Variants in GPAT3 observed in about 807,000 individuals in gnomAD.
GPAT3 encodes the protein glycerol-3-phosphate acyltransferase 3, also known as 1-AGP acyltransferase 9.
In GPAT3, 53 loss-of-function variants were observed where a neutral mutation model predicts 58.8. The observed-to-expected ratio is 0.90, with a 90% CI of 0.72 to 1.13. The LOEUF is 1.13. Among genes scored for constraint, GPAT3 ranks in the 50% most tolerant of loss-of-function variants. The pLI, the probability that GPAT3 is intolerant of heterozygous loss-of-function variation, is 0.00. For missense variants in GPAT3, 511 were observed against 527.6 expected (o/e 0.97, Z 0.31); for synonymous variants, 197 against 187.4 (o/e 1.05, Z -0.42).
rs144227410 is a variant in GPAT3 at position 83,604,676 on chromosome 4, G to T, written c.1214G>T (p.Gly405Val). 1 of 1,613,412 alleles carries T rather than the reference G, an allele frequency of 6.2e-7. No homozygotes were observed. The highest frequency in any genetic ancestry group is 1.7e-5 in the Admixed American group (1 of 59,976). The change falls in exon 12 of 12, where the codon GGA becomes GTA. Residue 405 changes from glycine (G) to valine (V), a missense_variant. Physicochemically the swap from Gly to Val is moderately radical, Grantham distance 109 (BLOSUM62 -3). Coordinates refer to ENST00000264409, the MANE Select transcript of GPAT3 (RefSeq NM_032717.5). ...TGTCTTTCTGTTTGCAGGGATGGAG[G>T]ACTAAAGAGAGCAAAGGTGAAGGAC... Reference protein sequence around the residue: ...GGLTELPWDGGLKRAKVKDIF... With the variant: ...GGLTELPWDGVLKRAKVKDIF...
chr4:83,553,839 T>A (rs754389863), intron 2 of GPAT3, among the ~76,000 whole-genome samples: 9 of 151,774 alleles, frequency 5.9e-5, no homozygotes, highest in Non-Finnish European at 1.2e-4. Context: ...ATCGCACCAC[T>A]GCACTCCAGC....
chr4:83,604,680 A>G lies in GPAT3; in HGVS notation c.1218A>G (p.Leu406=), dbSNP rs1727191374. The stretch of plus-strand genomic sequence containing the variant: ...TTTCTGTTTGCAGGGATGGAGGACT[A>G]AAGAGAGCAAAGGTGAAGGACATCT... ...GLTELPWDGG[L]KRAKVKDIFK... Residue 406 remains leucine (L), a synonymous_variant, in exon 12 of 12, where the codon CTA becomes CTG. Transcript: ENST00000264409. 1 of 1,613,578 alleles carries G rather than the reference A, an allele frequency of 6.2e-7. No homozygotes were observed. The highest frequency in any genetic ancestry group is 1.1e-5 in the South Asian group (1 of 91,058).
At chr4:83,566,396 CT>C (rs1002857867) in intron 2 of GPAT3, among the ~76,000 whole-genome samples, 14 of 146,208 alleles carry the variant, frequency 9.6e-5, no homozygotes, top group Non-Finnish European at 1.3e-4. Flanking sequence ...CCTATTTATT[CT>C]TTTTTTTAAA....
chr4:83,540,974 A>G (rs2132093), intron 1 of GPAT3, among the ~76,000 whole-genome samples: 67,462 of 151,512 alleles, frequency 0.45, 15,554 homozygotes, highest in African/African-American at 0.55. Flanking sequence ...ACAGGCATGA[A>G]CCACCATGCC....
chr4:83,595,692 C>A (rs1415350632), intron 7 of GPAT3, among the ~76,000 whole-genome samples: 1 of 151,288 alleles, frequency 6.6e-6, no homozygotes, highest in Non-Finnish European at 1.5e-5. Flanking sequence ...CCAGCCTAGG[C>A]AACAGGGGGA....
At chr4:83,574,366 T>C (rs547913673) in intron 2 of GPAT3, among the ~76,000 whole-genome samples, 1 of 152,362 alleles carries the variant, frequency 6.6e-6, no homozygotes, top group South Asian at 2.1e-4. Flanking sequence ...GAGTTAATTA[T>C]GTTTGAGATG....
Position 83,587,243 on chromosome 4 carries a change from T to C in GPAT3, c.480-12T>C, listed in dbSNP as rs1162031888. 1 of 1,611,730 alleles carries C rather than the reference T, an allele frequency of 6.2e-7. No homozygotes were observed. Among genetic ancestry groups the C allele is most frequent in the East Asian group, 2.2e-5 (1 of 44,858 alleles). The stretch of plus-strand genomic sequence containing the variant: ...GTCAAAATCTTATATGGCCCTCTCT[T>C]TTCTTTTTCAGGGTTACCTTGGCTT... On this transcript the variant is annotated splice_polypyrimidine_tract_variant and intron_variant, in intron 3 of 11. Transcript: ENST00000264409.
intron 11 of GPAT3, among the ~76,000 whole-genome samples, chr4:83,602,269 C>T (rs944358296): frequency 3.3e-5 from 5 of 152,168 alleles, no homozygotes; most frequent in Non-Finnish European, 7.4e-5. Flanking sequence ...CTAGGGGAGT[C>T]AGCCAAGTAC....
chr4:83,605,324 A>G lies in GPAT3; in HGVS notation c.*557A>G, dbSNP rs180738635. On this transcript the variant is annotated 3_prime_UTR_variant, in exon 12 of 12. Coordinates refer to ENST00000264409, the MANE Select transcript of GPAT3 (RefSeq NM_032717.5). ...AAATTAGTGTCATTAGTGTGTTGGA[A>G]GAGAAATACTATTCAGTAAGCTTCG... 1 of 152,470 alleles carries G rather than the reference A, an allele frequency of 6.6e-6. No homozygotes were observed. The highest frequency in any genetic ancestry group is 1.9e-4 in the East Asian group (1 of 5,194). The allele number at this position is 152,470 out of a possible 1,614,324, so 9.4% of individuals were successfully genotyped here.
In GPAT3 at chr4:83,536,720, G is replaced by A. The variant is rs372747571; in HGVS notation, c.98G>A (p.Gly33Asp). The part of the protein sequence containing the change: ...LLPSVFGVSL[G>D]ISEIYMKILV... Reference sequence around the variant, plus strand: ...CCTTCGGTCTTCGGAGTGTCTCTGGGCATCTCCGAGATCTACATGAAGATC... The same window carrying A: ...CCTTCGGTCTTCGGAGTGTCTCTGGACATCTCCGAGATCTACATGAAGATC... Residue 33 changes from glycine (G) to aspartate (D), a missense_variant, in exon 1 of 12, where the codon GGC becomes GAC. Coordinates refer to ENST00000264409, the MANE Select transcript of GPAT3 (RefSeq NM_032717.5). The A allele has an allele frequency of 3.2e-6, 5 of 1,569,492 alleles. No individual in the cohort carries two copies. Among genetic ancestry groups the A allele is most frequent in the Admixed American group, 3.5e-5 (2 of 56,420 alleles).
At position 83,596,934 on chromosome 4, in the gene GPAT3, C is replaced by T. The variant is rs371682505; in HGVS notation, c.910+21C>T. ...TGAAGGTAAGAATGGGCCTGCCTCC[C>T]GAGCTATAGTTGATAACAACAAACC... On this transcript the variant is annotated intron_variant, in intron 8 of 11. Transcript: ENST00000264409. 29 of 1,593,176 alleles carry T rather than the reference C, an allele frequency of 1.8e-5. No individual in the cohort carries two copies. In the South Asian group the frequency reaches 2.7e-4, roughly 15 times the overall value.
Position 83,581,596 on chromosome 4 carries a change from A to G in GPAT3, c.243A>G (p.Lys81=). Residue 81 remains lysine (K), a synonymous_variant, in exon 3 of 12, where the codon AAA becomes AAG. Coordinates refer to ENST00000264409, the MANE Select transcript of GPAT3 (RefSeq NM_032717.5). ...AAAGAGATGAGTCACCCATGGAAAA[A>G]GGGCTCTCTGGTCTACGAGGAAGGG... The part of the protein sequence containing the change: ...IIQRDESPME[K]GLSGLRGRDF... The G allele has an allele frequency of 1.9e-6, 3 of 1,613,734 alleles. No individual in the cohort carries two copies. Among genetic ancestry groups the G allele is most frequent in the Non-Finnish European group, 2.5e-6 (3 of 1,179,754 alleles).
At chr4:83,583,752 C>G (rs1187954215) in intron 3 of GPAT3, among the ~76,000 whole-genome samples, 13 of 145,530 alleles carry the variant, frequency 8.9e-5, no homozygotes, top group African/African-American at 2.8e-4. Flanking sequence ...CTTTGGGAGG[C>G]CGAGGTGAGG....
intron 5 of GPAT3, 152 bp downstream of exon 5, chr4:83,588,451 G>C: frequency 1.5e-6 from 1 of 651,386 alleles, no homozygotes; most frequent in Non-Finnish European, 2.7e-6. Context: ...CAGGCATGAT[G>C]CACAAAAACA....
chr4:83,552,760 C>G (rs79884372), intron 2 of GPAT3, among the ~76,000 whole-genome samples: 5 of 152,168 alleles, frequency 3.3e-5, no homozygotes, highest in South Asian at 2.1e-4. Flanking sequence ...TATGTCCCCC[C>G]CTTCCCAAAT....
chr4:83,557,036 C>T (rs6812267), intron 2 of GPAT3, among the ~76,000 whole-genome samples: 24,659 of 152,068 alleles, frequency 0.16, 2,279 homozygotes, highest in East Asian at 0.31. Flanking sequence ...GGCAATAGTC[C>T]CATTCATGAG....
intron 11 of GPAT3, among the ~76,000 whole-genome samples, chr4:83,600,737 C>T (rs780404420): frequency 6.6e-6 from 1 of 152,036 alleles, no homozygotes; most frequent in African/African-American, 2.4e-5. Context: ...AACTCCTGAC[C>T]TCAGGTGATC....
intron 2 of GPAT3, among the ~76,000 whole-genome samples, chr4:83,553,662 G>T (rs1393643123): frequency 6.6e-6 from 1 of 152,118 alleles, no homozygotes; most frequent in Non-Finnish European, 1.5e-5. Flanking sequence ...ACTTTGGGAG[G>T]CTGAGGCAGG....
At chr4:83,577,680 T>G (rs1445413631) in intron 2 of GPAT3, among the ~76,000 whole-genome samples, 1 of 152,096 alleles carries the variant, frequency 6.6e-6, no homozygotes, top group Non-Finnish European at 1.5e-5. Context: ...AATTGCTAGG[T>G]CATAGGCTCT....
Sources: allele counts gnomAD v4.1 joint callset (sites outside exome capture counted in the v4.1 genomes callset), GRCh38; gene constraint gnomAD v4.1.1; transcripts MANE v1.5; gene names NCBI Gene and HGNC (gene_info 2026-07-23, HGNC 2026-07-21).